The following CRAMP1 variants were observed in gnomAD, a reference collection of about 807,000 sequenced individuals.
The protein encoded by CRAMP1 is protein cramped-like.
In CRAMP1, 50 loss-of-function variants were observed where a neutral mutation model predicts 115.4. The ratio of observed to expected loss-of-function variants is 0.43; its 90% CI spans 0.35 to 0.55. CRAMP1 has a LOEUF of 0.55. CRAMP1 is among the 20% of genes least tolerant of loss of function. CRAMP1 has a pLI of 0.01. For synonymous variants in CRAMP1, 866 were observed against 745.4 expected (o/e 1.16, Z -2.64); for missense variants, 1,679 against 1,721.7 (o/e 0.98, Z 0.44).
At chr16:1,622,999 G>C (rs980496449) in intron 2 of CRAMP1, among the ~76,000 whole-genome samples, 8 of 151,908 alleles carry the variant, frequency 5.3e-5, no homozygotes, top group African/African-American at 1.9e-4. Flanking sequence ...GACCTCAAGA[G>C]ATCCGCCTGC....
Position 1,637,704 on chromosome 16 carries a change from A to G in CRAMP1, c.695-120A>G, listed in dbSNP as rs17135453. 3,745 of 448,094 alleles carry G rather than the reference A, an allele frequency of 8.4e-3. 136 individuals carry two copies. The highest frequency in any genetic ancestry group is 0.067 in the African/African-American group (3,331 of 49,362). 27.8% of individuals were successfully genotyped at this position (448,094 alleles called of 1,614,324 possible). A position where few individuals can be genotyped will look rare whatever the true frequency, so the allele number is the denominator to read the frequency against. The stretch of plus-strand genomic sequence containing the variant: ...GTGTCCCCTGTGGTTGACAGCTTGC[A>G]TGACAAAGGTACAGGGAGGAGATCC... On this transcript the variant is annotated intron_variant, in intron 4 of 20. Transcript: ENST00000397412.
chr16:1,644,306 T>C (rs1198386774), intron 6 of CRAMP1, among the ~76,000 whole-genome samples: 1 of 152,236 alleles, frequency 6.6e-6, no homozygotes, highest in Non-Finnish European at 1.5e-5. Context: ...GATTTCTGTC[T>C]GCACCCATGG....
intron 17 of CRAMP1, 34 bp downstream of exon 17, chr16:1,667,434 G>T: frequency 6.4e-7 from 1 of 1,574,144 alleles, no homozygotes; most frequent in South Asian, 1.1e-5. Flanking sequence ...GAGCAAAGCA[G>T]CTGCCCCAGG....
At chr16:1,662,113 G>A (rs1314601089) in intron 11 of CRAMP1, among the ~76,000 whole-genome samples, 1 of 152,190 alleles carries the variant, frequency 6.6e-6, no homozygotes, top group East Asian at 1.9e-4. Context: ...TCTACAGAGT[G>A]GACATTGGTT....
At chr16:1,658,237 C>G (rs1458223362) in intron 10 of CRAMP1, among the ~76,000 whole-genome samples, 2 of 151,832 alleles carry the variant, frequency 1.3e-5, no homozygotes, top group Non-Finnish European at 2.9e-5. Flanking sequence ...GAGCCCAACC[C>G]TCAGGCACCT....
intron 4 of CRAMP1, among the ~76,000 whole-genome samples, chr16:1,634,437 C>T (rs555170267): frequency 2.2e-4 from 33 of 152,118 alleles, no homozygotes; most frequent in Non-Finnish European, 3.2e-4. Flanking sequence ...GGCCTCATTC[C>T]TCTTTGGCCC....
In CRAMP1 at chr16:1,620,558, A is replaced by G. The variant is rs561623091; in HGVS notation, c.347-5415A>G. The G allele has an allele frequency of 1.9e-4, 82 of 434,650 alleles. 1 individual carries two copies. Among genetic ancestry groups the G allele is most frequent in the African/African-American group, 1.5e-3 (73 of 49,766 alleles). The allele number at this position is 434,650 out of a possible 1,614,324, so 26.9% of individuals were successfully genotyped here. A position where few individuals can be genotyped will look rare whatever the true frequency, so the allele number is the denominator to read the frequency against. On this transcript the variant is annotated intron_variant, in intron 2 of 20. Coordinates refer to ENST00000397412, the MANE Select transcript of CRAMP1 (RefSeq NM_020825.4). ...AGGAAGTTCACCAAACCACAGAAAGAGTGCTCCAGGACAGTGAATTGATGT... is the reference window on the plus strand; with the variant it reads ...AGGAAGTTCACCAAACCACAGAAAGGGTGCTCCAGGACAGTGAATTGATGT...
In CRAMP1 at chr16:1,659,934, G is replaced by A. The variant is rs200608756; in HGVS notation, c.2284G>A (p.Glu762Lys). The A allele has an allele frequency of 6.9e-4, 1,105 of 1,612,688 alleles. 1 individual carries two copies. Among genetic ancestry groups the A allele is most frequent in the Non-Finnish European group, 8.5e-4 (1,007 of 1,179,864 alleles). The change falls in exon 11 of 21, where the codon GAG becomes AAG. Residue 762 changes from glutamate to lysine, a missense_variant. By Grantham distance (56) the Glu-to-Lys change is moderately conservative (BLOSUM62 1). Around this residue, in one of 8 missense-constraint regions of CRAMP1, gnomAD observed 709 missense variants for 741.9 expected, o/e 0.96. Transcript: ENST00000397412. ...TACAGCCTCAGTAAGGCCCGCCCAG[G>A]AGGAGCAGTCGATGACGCCCCCAGG... ...ISTASVRPAQ[E>K]EQSMTPPGKV...
chr16:1,620,137 C>T (rs2036453996), intron 2 of CRAMP1, among the ~76,000 whole-genome samples: 2 of 152,112 alleles, frequency 1.3e-5, no homozygotes, highest in Admixed American at 1.3e-4. Context: ...AGCCCTCACC[C>T]ACAACTCTGG....
At chr16:1,661,948 C>A (rs553697804) in intron 11 of CRAMP1, among the ~76,000 whole-genome samples, 1 of 152,204 alleles carries the variant, frequency 6.6e-6, no homozygotes, top group East Asian at 1.9e-4. Context: ...GAGATTTACA[C>A]CAGGGAGCAG....
chr16:1,624,750 T>C lies in CRAMP1; in HGVS notation c.347-1223T>C, dbSNP rs1039431755. On this transcript the variant is annotated intron_variant, in intron 2 of 20. Transcript: ENST00000397412. ...CGTGTGCCACCATGCCCAGCTAATA[T>C]TTTTTGTGTTTTTAGTAGAGACGGG... Among the ~76,000 whole-genome samples, 3 of 152,060 alleles carry C rather than the reference T, an allele frequency of 2.0e-5. No individual in the cohort carries two copies. In the South Asian group the frequency reaches 6.2e-4, roughly 32 times the overall value.
At chr16:1,646,908 C>T in intron 6 of CRAMP1, 1 of 611,026 alleles carries the variant, frequency 1.6e-6, no homozygotes, top group Non-Finnish European at 2.9e-6. Context: ...GACTGTCTCT[C>T]CTCCATTGAG....
At chr16:1,661,898 T>C (rs2036833723) in intron 11 of CRAMP1, among the ~76,000 whole-genome samples, 2 of 152,224 alleles carry the variant, frequency 1.3e-5, no homozygotes, top group Non-Finnish European at 2.9e-5. Context: ...TCTCAAATAT[T>C]TCCTGTTCTT....
chr16:1,621,845 C>A (rs979028451), intron 2 of CRAMP1, among the ~76,000 whole-genome samples: 1 of 152,198 alleles, frequency 6.6e-6, no homozygotes, highest in Non-Finnish European at 1.5e-5. Context: ...CACAGATGGA[C>A]CTGGCTTTGG....
At chr16:1,635,334 C>T (rs966074671) in intron 4 of CRAMP1, among the ~76,000 whole-genome samples, 5 of 152,324 alleles carry the variant, frequency 3.3e-5, no homozygotes, top group African/African-American at 7.2e-5. Context: ...GGGGGCCTTG[C>T]GTGTGTGTTC....
Position 1,658,101 on chromosome 16 carries a change from C to T in CRAMP1, c.2235+1109C>T, listed in dbSNP as rs1050737770. Among the ~76,000 whole-genome samples the T allele has an allele frequency of 5.9e-5, 9 of 152,334 alleles. No homozygotes were observed. The East Asian group carries it at 1.7e-3, about 29-fold the overall frequency. On this transcript the variant is annotated intron_variant, in intron 10 of 20. Coordinates refer to ENST00000397412, the MANE Select transcript of CRAMP1 (RefSeq NM_020825.4). ...CCTCCCGCTTTTTTTCCGCTCCCAC[C>T]CCCAGCCGGTGCAGGGCTTGCCCCG...
chr16:1,637,351 A>AG (rs536664387), intron 4 of CRAMP1, among the ~76,000 whole-genome samples: 28 of 150,906 alleles, frequency 1.9e-4, no homozygotes, highest in African/African-American at 6.6e-4. Flanking sequence ...AATGGGCCTC[A>AG]GGCAGGGGTG....
chr16:1,646,894 A>T (rs1199463609), intron 6 of CRAMP1: 3 of 563,078 alleles, frequency 5.3e-6, no homozygotes, highest in Non-Finnish European at 9.5e-6. Context: ...GTGCCATCTG[A>T]AAGGACTGTC....
At chr16:1,668,332 G>T in intron 18 of CRAMP1, 139 bp downstream of exon 18, 1 of 690,014 alleles carries the variant, frequency 1.4e-6, no homozygotes, top group Non-Finnish European at 2.5e-6. Flanking sequence ...GGTGCTGCCT[G>T]TCTCCAGCAG....
Sources: allele counts gnomAD v4.1 joint callset (sites outside exome capture counted in the v4.1 genomes callset), GRCh38; gene constraint gnomAD v4.1.1; regional missense constraint gnomAD v4.1.1; transcripts MANE v1.5; gene names NCBI Gene and HGNC (gene_info 2026-07-23, HGNC 2026-07-21).